The following STX8 variants were observed in gnomAD, a reference collection of about 807,000 sequenced individuals.
STX8 encodes the protein syntaxin 8, also known as syntaxin-8.
A neutral mutation model predicts 37.5 loss-of-function variants in STX8; 23 were observed. That is an observed-to-expected ratio of 0.61 (90% CI 0.44 to 0.87). The LOEUF is 0.87. Among genes scored for constraint, STX8 ranks in the 40% least tolerant of loss-of-function variants. The probability of loss-of-function intolerance (pLI) is 0.00; values close to 1 mark genes in which losing one functional copy is unlikely to be tolerated. For synonymous variants in STX8, 115 were observed against 99.1 expected (o/e 1.16, Z -0.95); for missense variants, 313 against 284.7 (o/e 1.10, Z -0.71).
At chr17:9,290,654 A>T (rs1908282376) in intron 7 of STX8, among the ~76,000 whole-genome samples, 1 of 152,230 alleles carries the variant, frequency 6.6e-6, no homozygotes, top group African/African-American at 2.4e-5. Context: ...TACAAGTCCC[A>T]GATCTCTGGT....
chr17:9,483,656 G>A (rs927384677), intron 6 of STX8, among the ~76,000 whole-genome samples: 1 of 152,040 alleles, frequency 6.6e-6, no homozygotes, highest in Non-Finnish European at 1.5e-5. Context: ...TTTTGGAGGC[G>A]CAGAGTCGTA....
In STX8 at chr17:9,556,750, AATATAT is replaced by A. The variant is rs575240217; in HGVS notation, c.212+678_212+683del. On this transcript the variant is annotated intron_variant, in intron 3 of 7. Coordinates refer to ENST00000306357, the MANE Select transcript of STX8 (RefSeq NM_004853.3). ...CCTGGCCCAGATTATGAATTTCTAA[AATATAT>A]ATATATATATATATATATATATATA... 4.3e-3 allele frequency: 431 copies of A among 99,506 alleles called. 2 individuals are homozygous for A. The highest frequency in any genetic ancestry group is 0.011 in the African/African-American group (252 of 23,280). The allele number at this position is 99,506 out of a possible 1,614,324, so 6.2% of individuals were successfully genotyped here. A position where few individuals can be genotyped will look rare whatever the true frequency, so the allele number is the denominator to read the frequency against.
chr17:9,324,513 T>C (rs1597604938), intron 7 of STX8, among the ~76,000 whole-genome samples: 1 of 151,824 alleles, frequency 6.6e-6, no homozygotes, highest in Admixed American at 6.6e-5. Context: ...CTGTAATCCC[T>C]GCACTTTGGG....
At chr17:9,543,860 T>G (rs1274619699) in intron 4 of STX8, among the ~76,000 whole-genome samples, 2 of 152,190 alleles carry the variant, frequency 1.3e-5, no homozygotes, top group African/African-American at 4.8e-5. Flanking sequence ...AACTTAACAT[T>G]TCATCTACCT....
intron 7 of STX8, among the ~76,000 whole-genome samples, chr17:9,295,720 C>T (rs573204990): frequency 7.5e-4 from 114 of 151,484 alleles, no homozygotes; most frequent in Non-Finnish European, 1.1e-3. Context: ...TCCAGCGTGA[C>T]GACAGAATGA....
chr17:9,277,957 T>C (rs546793378), intron 7 of STX8, among the ~76,000 whole-genome samples: 4 of 152,070 alleles, frequency 2.6e-5, no homozygotes, highest in East Asian at 1.9e-4. Context: ...GGGAAGCAAG[T>C]GAAGGGTTTA....
intron 6 of STX8, among the ~76,000 whole-genome samples, chr17:9,415,529 T>A (rs1300839516): frequency 6.6e-6 from 1 of 151,948 alleles, no homozygotes; most frequent in Non-Finnish European, 1.5e-5. Context: ...CCCAGCACTT[T>A]GGGAGGCCGA....
intron 6 of STX8, among the ~76,000 whole-genome samples, chr17:9,389,379 C>A (rs1224074170): frequency 6.6e-6 from 1 of 152,238 alleles, no homozygotes; most frequent in Non-Finnish European, 1.5e-5. Flanking sequence ...CAAAGAGAAA[C>A]TGATACCCTG....
At chr17:9,475,919 G>A (rs1906084439) in intron 6 of STX8, among the ~76,000 whole-genome samples, 1 of 152,206 alleles carries the variant, frequency 6.6e-6, no homozygotes, top group African/African-American at 2.4e-5. Flanking sequence ...GGTGGCTCAC[G>A]CCTGTCATCC....
intron 6 of STX8, among the ~76,000 whole-genome samples, chr17:9,403,898 G>A (rs533554031): frequency 6.2e-4 from 94 of 151,882 alleles, no homozygotes; most frequent in Non-Finnish European, 1.2e-3. Context: ...TGCCCGCCTC[G>A]GCCTCCCAAA....
At chr17:9,253,207 G>GGTGTGTGGGTGT (rs1906654988) in intron 7 of STX8, among the ~76,000 whole-genome samples, 1 of 140,940 alleles carries the variant, frequency 7.1e-6, no homozygotes, top group South Asian at 2.4e-4. Context: ...CAGGGGTAGG[G>GGTGTGTGGGTGT]GTGTGTGTGT....
intron 6 of STX8, among the ~76,000 whole-genome samples, chr17:9,422,377 G>C (rs56319534): frequency 0.044 from 6,713 of 152,242 alleles, 454 homozygotes; most frequent in African/African-American, 0.15. Flanking sequence ...AAAGTGCTGG[G>C]ATTACAGGTG....
rs558877292 is a variant in STX8, at chr17:9,352,535, T to G, written c.643+26017A>C. ...CAGGCGGGAGTGCAGTGGCGCAATC[T>G]CGGCTCACTGCAAGCTCCGCCTCCC... is the stretch of plus-strand genomic sequence containing the variant. On this transcript the variant is annotated intron_variant, in intron 7 of 7. Transcript: ENST00000306357. 4.5e-3 allele frequency among the ~76,000 whole-genome samples: 610 copies of G among 135,964 alleles called. 7 individuals are homozygous for G. Among genetic ancestry groups the G allele is most frequent in the African/African-American group, 0.016 (577 of 36,038 alleles). 89.2% of individuals were successfully genotyped at this position (135,964 alleles called of 152,430 possible).
At chr17:9,276,475 T>A (rs1244250625) in intron 7 of STX8, among the ~76,000 whole-genome samples, 1 of 152,132 alleles carries the variant, frequency 6.6e-6, no homozygotes, top group Non-Finnish European at 1.5e-5. Context: ...GGAATACATT[T>A]CTAATTGTAA....
intron 7 of STX8, among the ~76,000 whole-genome samples, chr17:9,262,635 G>A (rs560332657): frequency 5.2e-4 from 79 of 152,002 alleles, no homozygotes; most frequent in African/African-American, 1.7e-3. Context: ...AGGCTAGAGT[G>A]CAGTGGCGAG....
At chr17:9,534,616 C>T (rs947606521) in intron 4 of STX8, among the ~76,000 whole-genome samples, 4 of 151,998 alleles carry the variant, frequency 2.6e-5, no homozygotes, top group African/African-American at 7.3e-5. Context: ...GGTGAAACTC[C>T]GTCTCTTCTA....
intron 7 of STX8, among the ~76,000 whole-genome samples, chr17:9,341,577 C>T (rs779369735): frequency 1.3e-5 from 2 of 152,146 alleles, no homozygotes; most frequent in Non-Finnish European, 2.9e-5. Context: ...GCTGGGATTA[C>T]AGGCATGTGC....
At chr17:9,462,728 C>T (rs937609430) in intron 6 of STX8, among the ~76,000 whole-genome samples, 2 of 152,156 alleles carry the variant, frequency 1.3e-5, no homozygotes, top group East Asian at 1.9e-4. Context: ...GTCTCAACAA[C>T]GAAATAATTT....
chr17:9,537,679 G>C (rs190075038), intron 4 of STX8, among the ~76,000 whole-genome samples: 2 of 152,144 alleles, frequency 1.3e-5, no homozygotes, highest in Non-Finnish European at 2.9e-5. Flanking sequence ...GCATGAAGAC[G>C]CTCATTCATT....
Sources: allele counts gnomAD v4.1 joint callset (sites outside exome capture counted in the v4.1 genomes callset), GRCh38; gene constraint gnomAD v4.1.1; transcripts MANE v1.5; gene names NCBI Gene and HGNC (gene_info 2026-07-23, HGNC 2026-07-21).